PTPRD: variants seen among roughly 807,000 people sequenced by gnomAD.
PTPRD encodes the protein protein tyrosine phosphatase receptor type D.
Under a neutral mutation model 214.5 loss-of-function variants are expected in PTPRD, and 34 were observed. The observed-to-expected ratio is 0.16, with a 90% CI of 0.12 to 0.21. The LOEUF is 0.21. Ranked by LOEUF, PTPRD falls within the 10% of genes least tolerant of loss-of-function variation. The pLI is 1.00. For synonymous variants in PTPRD, 1,128 were observed against 845.7 expected (o/e 1.33, Z -5.79); for missense variants, 2,545 against 2,398.7 (o/e 1.06, Z -1.27).
intron 2 of PTPRD, among the ~76,000 whole-genome samples, chr9:10,592,942 TTGTTCTTTCA>T (rs1342704495): frequency 1.7e-4 from 26 of 151,838 alleles, no homozygotes; most frequent in Admixed American, 2.6e-4. Flanking sequence ...TGTGGAAGCT[TTGTTCTTTCA>T]TGTTCTTTCG....
chr9:10,541,662 C>T (rs754671295), intron 2 of PTPRD, among the ~76,000 whole-genome samples: 1 of 151,746 alleles, frequency 6.6e-6, no homozygotes, highest in Non-Finnish European at 1.5e-5. Context: ...TTGACAACTA[C>T]AATTTTAAAT....
chr9:9,545,140 C>T (rs1016738502), intron 8 of PTPRD, among the ~76,000 whole-genome samples: 3 of 151,706 alleles, frequency 2.0e-5, no homozygotes, highest in African/African-American at 7.2e-5. Flanking sequence ...CCTATGTTAA[C>T]ATCATTAACA....
At position 10,317,795 on chromosome 9, in the gene PTPRD, T is replaced by C. The variant is rs115750301; in HGVS notation, c.-545+23168A>G. On this transcript the variant is annotated intron_variant, in intron 3 of 45. Coordinates refer to ENST00000381196, the MANE Select transcript of PTPRD (RefSeq NM_002839.4). ...CCCAATGTGGTCTATAAGCTGGCCA[T>C]GTATAACGTCTGACTATTCTACTTA... is the stretch of plus-strand genomic sequence containing the variant. Among the ~76,000 whole-genome samples, 1,030 of 152,160 alleles carry C rather than the reference T, an allele frequency of 6.8e-3. 9 individuals are homozygous for C. The highest frequency in any genetic ancestry group is 0.023 in the African/African-American group (961 of 41,566).
At chr9:8,318,069 A>G (rs1823235466) in intron 45 of PTPRD, 127 bp from the exon 46 acceptor site, 3 of 804,492 alleles carry the variant, frequency 3.7e-6, no homozygotes, top group African/African-American at 3.5e-5. Flanking sequence ...ACTTTCGTCA[A>G]CTGGTCTAAT....
chr9:10,288,043 A>T (rs985813602), intron 3 of PTPRD, among the ~76,000 whole-genome samples: 3 of 151,846 alleles, frequency 2.0e-5, no homozygotes, highest in African/African-American at 7.3e-5. Context: ...AGATTGGGAG[A>T]TGAATATGAA....
intron 2 of PTPRD, among the ~76,000 whole-genome samples, chr9:10,539,804 G>A (rs1381266140): frequency 6.6e-6 from 1 of 152,086 alleles, no homozygotes; most frequent in East Asian, 1.9e-4. Flanking sequence ...CTCACAATAT[G>A]AGTCATAAGA....
At chr9:10,383,070 A>G (rs1159820906) in intron 2 of PTPRD, among the ~76,000 whole-genome samples, 1 of 151,900 alleles carries the variant, frequency 6.6e-6, no homozygotes, top group African/African-American at 2.4e-5. Context: ...ATTTTTAAAT[A>G]GTCATACAAA....
At chr9:9,762,841 G>T (rs1246996474) in intron 6 of PTPRD, among the ~76,000 whole-genome samples, 2 of 152,112 alleles carry the variant, frequency 1.3e-5, no homozygotes, top group Admixed American at 6.5e-5. Flanking sequence ...AATCAGCTGG[G>T]TTGCCATAGC....
At chr9:10,199,705 G>T (rs1358889385) in intron 3 of PTPRD, among the ~76,000 whole-genome samples, 1 of 151,772 alleles carries the variant, frequency 6.6e-6, no homozygotes. Context: ...ACAAAACCAG[G>T]AAGGAGCAAA....
chr9:8,485,053 T>C (rs1246233218), intron 29 of PTPRD, among the ~76,000 whole-genome samples, 174 bp downstream of exon 29: 1 of 152,164 alleles, frequency 6.6e-6, no homozygotes, highest in Non-Finnish European at 1.5e-5. Flanking sequence ...CTTCAGAGTG[T>C]AAAGGACACA....
intron 11 of PTPRD, among the ~76,000 whole-genome samples, chr9:8,889,089 GC>G (rs1329919526): frequency 6.6e-6 from 1 of 152,242 alleles, no homozygotes; most frequent in East Asian, 1.9e-4. Context: ...AGTTTTCCAG[GC>G]AGAAACCCAA....
intron 8 of PTPRD, among the ~76,000 whole-genome samples, chr9:9,486,722 T>C (rs2095653678): frequency 6.6e-6 from 1 of 152,186 alleles, no homozygotes; most frequent in Non-Finnish European, 1.5e-5. Flanking sequence ...TAAATTTTGC[T>C]TCTTCCCAAA....
intron 12 of PTPRD, among the ~76,000 whole-genome samples, chr9:8,732,014 C>T (rs1390799648): frequency 2.0e-5 from 3 of 152,152 alleles, no homozygotes; most frequent in Non-Finnish European, 4.4e-5. Context: ...AATATCTTAA[C>T]TAAAAATTGC....
intron 39 of PTPRD, among the ~76,000 whole-genome samples, chr9:8,343,456 A>G (rs1854455157): frequency 6.6e-6 from 1 of 152,042 alleles, no homozygotes; most frequent in South Asian, 2.1e-4. Context: ...CCAATTGGCA[A>G]CCTGATGCAA....
intron 2 of PTPRD, among the ~76,000 whole-genome samples, chr9:10,514,736 G>A (rs184798150): frequency 2.7e-4 from 41 of 151,848 alleles, no homozygotes; most frequent in Middle Eastern, 6.8e-3. Flanking sequence ...ATAAATTTAC[G>A]TATAAGCAAG....
chr9:8,636,209 C>T (rs1000928627), intron 13 of PTPRD, among the ~76,000 whole-genome samples: 1 of 152,288 alleles, frequency 6.6e-6, no homozygotes, highest in East Asian at 1.9e-4. Context: ...AAATTCTGCT[C>T]TTTCATTCTA....
intron 11 of PTPRD, among the ~76,000 whole-genome samples, chr9:8,769,136 T>C (rs2094997874): frequency 1.3e-5 from 2 of 152,228 alleles, no homozygotes; most frequent in Non-Finnish European, 2.9e-5. Flanking sequence ...TTTATATATT[T>C]AAATGTGCAG....
chr9:10,270,517 A>G (rs780459038), intron 3 of PTPRD, among the ~76,000 whole-genome samples: 2 of 152,206 alleles, frequency 1.3e-5, no homozygotes, highest in African/African-American at 2.4e-5. Flanking sequence ...GATATTGAGA[A>G]AGCCTAATTT....
intron 10 of PTPRD, among the ~76,000 whole-genome samples, chr9:9,069,603 A>G (rs1215655805): frequency 1.3e-5 from 2 of 152,228 alleles, no homozygotes. Context: ...CCTTCAAGCC[A>G]GCAAAGTTAT....
Sources: gnomAD v4.1 joint callset for allele counts (sites outside exome capture counted in the v4.1 genomes callset) on GRCh38, gnomAD v4.1.1 for gene constraint, MANE v1.5 for transcripts, NCBI Gene and HGNC (gene_info 2026-07-23, HGNC 2026-07-21) for gene names.